The following KCNA6 variants were observed in gnomAD, a reference collection of about 807,000 sequenced individuals.
KCNA6 encodes potassium voltage-gated channel subfamily A member 6.
Under a neutral mutation model 29.5 loss-of-function variants are expected in KCNA6, and 17 were observed. The observed-to-expected ratio is 0.58, with a 90% CI of 0.39 to 0.86. The LOEUF is 0.86. Among genes scored for constraint, KCNA6 ranks in the 40% least tolerant of loss-of-function variants. KCNA6 has a pLI of 0.00. For missense variants in KCNA6, 450 were observed against 703.4 expected (o/e 0.64, Z 4.07); for synonymous variants, 296 against 304.7 (o/e 0.97, Z 0.30).
At chr12:4,823,107 A>G in the KCNA6 span, among the ~76,000 whole-genome samples, 1 of 152,220 alleles carries the variant, frequency 6.6e-6, no homozygotes, top group South Asian at 2.1e-4. Flanking sequence ...CTTACATTTG[A>G]ATGCTTGTAG....
At chr12:4,827,206 CTCCTTCCTTCCT>C in the KCNA6 span, among the ~76,000 whole-genome samples, 638 of 113,834 alleles carry the variant, frequency 5.6e-3, 5 homozygotes, top group African/African-American at 0.021. Flanking sequence ...CCTTCCTTCC[CTCCTTCCTTCCT>C]TCCTTCCTTC....
At chr12:4,827,487 C>T in the KCNA6 span, among the ~76,000 whole-genome samples, 3 of 152,134 alleles carry the variant, frequency 2.0e-5, no homozygotes, top group African/African-American at 2.4e-5. Flanking sequence ...AGCAGGGATG[C>T]GAACCAGTAT....
the KCNA6 span, among the ~76,000 whole-genome samples, chr12:4,818,889 T>A: frequency 1.3e-5 from 2 of 151,836 alleles, no homozygotes; most frequent in Non-Finnish European, 2.9e-5. Context: ...CATACGTATA[T>A]ACACACATAA....
chr12:4,846,284 T>A, the KCNA6 span, among the ~76,000 whole-genome samples: 1 of 152,122 alleles, frequency 6.6e-6, no homozygotes, highest in East Asian at 1.9e-4. Flanking sequence ...TTTTAATTTT[T>A]ATTTTTTAAG....
the KCNA6 span, among the ~76,000 whole-genome samples, chr12:4,843,730 G>A: frequency 6.6e-6 from 1 of 152,102 alleles, no homozygotes. Flanking sequence ...TTCACGTGGC[G>A]AAACCAGAAG....
At position 4,810,796 on chromosome 12, in the gene KCNA6, G is replaced by A. The variant is rs776273315; in HGVS notation, c.755G>A (p.Ser252Asn). 1.4e-5 allele frequency: 22 copies of A among 1,591,746 alleles called. No individual in the cohort carries two copies. Among genetic ancestry groups the A allele is most frequent in the African/African-American group, 4.0e-5 (3 of 74,408 alleles). Residue 252 changes from serine to asparagine, a missense_variant, in exon 1 of 1, where the codon AGT becomes AAT. Transcript: ENST00000280684. The surrounding 1 kb of genome is among the most constrained non-coding windows in gnomAD (Gnocchi z 7.5). The stretch of plus-strand genomic sequence containing the variant: ...GGGACCGGGGGCTCCTCCTCACTCA[G>A]TACTCTTGGGGGCTCCTTCTTTACA...
the KCNA6 span, among the ~76,000 whole-genome samples, chr12:4,838,266 T>C: frequency 6.6e-6 from 1 of 152,296 alleles, no homozygotes; most frequent in East Asian, 1.9e-4. Context: ...GGAATCAAGT[T>C]GAGTGGAGAT....
At chr12:4,820,770 G>A in the KCNA6 span, among the ~76,000 whole-genome samples, 1 of 152,182 alleles carries the variant, frequency 6.6e-6, no homozygotes, top group East Asian at 1.9e-4. Context: ...GGATTTTTAA[G>A]GGAGGACTAA....
chr12:4,830,604 C>CA, the KCNA6 span, among the ~76,000 whole-genome samples: 1 of 152,240 alleles, frequency 6.6e-6, no homozygotes, highest in East Asian at 1.9e-4. Context: ...GCTGCGGGCT[C>CA]AAAATCTCTC....
downstream of KCNA6, among the ~76,000 whole-genome samples, chr12:4,817,406 T>TTGAG (rs1259489517): frequency 3.3e-5 from 5 of 152,176 alleles, no homozygotes; most frequent in African/African-American, 7.2e-5. Flanking sequence ...TGTGCTGGCC[T>TTGAG]TGAGTGAGTC....
the KCNA6 span, among the ~76,000 whole-genome samples, chr12:4,829,747 G>T: frequency 6.6e-6 from 1 of 151,742 alleles, no homozygotes; most frequent in Non-Finnish European, 1.5e-5. Flanking sequence ...AGCCATAGTT[G>T]GGTACCTCCA....
Position 4,811,788 on chromosome 12 carries a change from C to A in KCNA6, c.*157C>A. The A allele has an allele frequency of 1.2e-6, 1 of 815,354 alleles. No individual in the cohort carries two copies. Among genetic ancestry groups the A allele is most frequent in the Non-Finnish European group, 1.9e-6 (1 of 514,232 alleles). The allele number at this position is 815,354 out of a possible 1,614,324, so 50.5% of individuals were successfully genotyped here. On this transcript the variant is annotated 3_prime_UTR_variant, in exon 1 of 1. Coordinates refer to ENST00000280684, the Ensembl canonical transcript of KCNA6. This position sits in a 1 kb window ranked among gnomAD's most constrained non-coding sequence, Gnocchi z 7.1. ...CAGGACCAAATACCTGGACTATCAA[C>A]CTTGTTGCTTAATCCCTGCAGCATT...
chr12:4,833,931 A>ATTTT, the KCNA6 span, among the ~76,000 whole-genome samples: 255 of 141,936 alleles, frequency 1.8e-3, 2 homozygotes, highest in Non-Finnish European at 2.2e-3. Context: ...TTTAAATTAA[A>ATTTT]TTTTTTTTTT....
the KCNA6 span, among the ~76,000 whole-genome samples, chr12:4,830,881 A>C: frequency 1.1e-4 from 17 of 152,214 alleles, no homozygotes; most frequent in South Asian, 2.7e-3. Flanking sequence ...TTACCTACCT[A>C]CCTATTCAGC....
At chr12:4,839,067 C>T in the KCNA6 span, 1 of 152,106 alleles carries the variant, frequency 6.6e-6, no homozygotes, top group Non-Finnish European at 1.5e-5. Context: ...ATAATATGCA[C>T]AAAAAAGCAG....
At chr12:4,821,994 T>C in the KCNA6 span, among the ~76,000 whole-genome samples, 1 of 152,180 alleles carries the variant, frequency 6.6e-6, no homozygotes, top group East Asian at 1.9e-4. Flanking sequence ...CCACCAGGCC[T>C]GACTAATTTT....
the KCNA6 span, among the ~76,000 whole-genome samples, chr12:4,846,777 TTTTTTTTTTTTTTTA>T: frequency 1.0e-4 from 7 of 69,424 alleles, no homozygotes; most frequent in African/African-American, 4.8e-4. Context: ...TTTTTTTTTT[TTTTTTTTTTTTTTTA>T]ATTTGAGACG....
chr12:4,819,084 A>G, the KCNA6 span, among the ~76,000 whole-genome samples: 1 of 152,316 alleles, frequency 6.6e-6, no homozygotes, highest in South Asian at 2.1e-4. Context: ...ACAGGCACAT[A>G]CATGCATGCT....
chr12:4,809,979 C>G, exon 1 of KCNA6: 7 of 1,482,256 alleles, frequency 4.7e-6, no homozygotes, highest in Non-Finnish European at 6.2e-6. Context: ...GAGCGGGTGC[C>G]GCGCTCCAGA....
Sources: allele counts gnomAD v4.1 joint callset (sites outside exome capture counted in the v4.1 genomes callset), GRCh38; gene constraint gnomAD v4.1.1; non-coding constraint Gnocchi (gnomAD v3.1); transcripts MANE v1.5; gene names NCBI Gene and HGNC (gene_info 2026-07-23, HGNC 2026-07-21).